Variants in DOCK5 observed in about 807,000 individuals in gnomAD.
DOCK5 encodes dedicator of cytokinesis protein 5.
A neutral mutation model predicts 251.8 loss-of-function variants in DOCK5; 142 were observed. The observed-to-expected ratio is 0.56, with a 90% confidence interval of 0.49 to 0.65. The LOEUF is 0.65. Ranked by LOEUF, DOCK5 falls within the 30% of genes least tolerant of loss-of-function variation. DOCK5 has a pLI of 0.00. For missense variants in DOCK5, 2,111 were observed against 2,312.3 expected (o/e 0.91, Z 1.79); for synonymous variants, 842 against 835.5 (o/e 1.01, Z -0.13).
chr8:25,404,557 T>C (rs994782272), intron 48 of DOCK5, among the ~76,000 whole-genome samples: 1 of 152,216 alleles, frequency 6.6e-6, no homozygotes. Flanking sequence ...ATATTTCACA[T>C]TTTGGAGCAT....
At chr8:25,286,046 G>A (rs1285602973) in intron 5 of DOCK5, among the ~76,000 whole-genome samples, 2 of 152,130 alleles carry the variant, frequency 1.3e-5, no homozygotes, top group African/African-American at 4.8e-5. Context: ...TCAGACCTTT[G>A]CTGGTCAGAC....
At position 25,213,108 on chromosome 8, in the gene DOCK5, T is replaced by G. The variant is rs960038132; in HGVS notation, c.43+28157T>G. The stretch of plus-strand genomic sequence containing the variant: ...CGGTAGAGTGGCAGGGCGTGTGTGT[T>G]GGAATGGAAGATGGAAAGTTAAACC... On this transcript the variant is annotated intron_variant, in intron 1 of 51. Transcript: ENST00000276440. Among the ~76,000 whole-genome samples the G allele has an allele frequency of 1.0e-3, 148 of 147,314 alleles. 39 individuals carry two copies. The highest frequency in any genetic ancestry group is 3.6e-3 in the African/African-American group (144 of 40,356).
intron 39 of DOCK5, among the ~76,000 whole-genome samples, chr8:25,380,633 CA>C (rs1801048474): frequency 6.6e-6 from 1 of 152,154 alleles, no homozygotes; most frequent in East Asian, 1.9e-4. Context: ...GTTGTCTCGA[CA>C]GTGTGGTGGA....
rs1393412352 is a variant in DOCK5 at position 25,400,011 on chromosome 8, C to T, written c.4788+17C>T. On this transcript the variant is annotated intron_variant, in intron 46 of 51. Transcript: ENST00000276440. ...GCATTACAGGTACAGGACGGCTTTC[C>T]TCTACACTCCCAGGGAGGCCACAGT... 2 of 1,607,956 alleles carry T rather than the reference C, an allele frequency of 1.2e-6. No homozygotes were observed. The highest frequency in any genetic ancestry group is 1.7e-5 in the Admixed American group (1 of 59,756).
chr8:25,198,624 A>T (rs1388472870), intron 1 of DOCK5, among the ~76,000 whole-genome samples: 2 of 152,104 alleles, frequency 1.3e-5, no homozygotes, highest in Non-Finnish European at 2.9e-5. Flanking sequence ...AAAATCTAAC[A>T]GTTTTGCCCT....
intron 1 of DOCK5, among the ~76,000 whole-genome samples, chr8:25,199,038 G>C (rs1252561515): frequency 6.6e-6 from 1 of 152,154 alleles, no homozygotes; most frequent in Non-Finnish European, 1.5e-5. Flanking sequence ...GACACTGTGG[G>C]TTGCACGGTT....
At chr8:25,325,655 A>AG in intron 18 of DOCK5, 108 bp downstream of exon 18, 1 of 1,334,536 alleles carries the variant, frequency 7.5e-7, no homozygotes, top group Non-Finnish European at 1.0e-6. Context: ...CTTATTAGGT[A>AG]GGATGTTGGC....
At chr8:25,390,858 G>A (rs1801245193) in intron 42 of DOCK5, among the ~76,000 whole-genome samples, 2 of 151,766 alleles carry the variant, frequency 1.3e-5, no homozygotes, top group Non-Finnish European at 1.5e-5. Context: ...CACCCAGGCT[G>A]GAGTACAGTG....
intron 14 of DOCK5, among the ~76,000 whole-genome samples, chr8:25,318,931 C>T (rs764166298): frequency 7.9e-5 from 12 of 152,146 alleles, no homozygotes; most frequent in African/African-American, 2.2e-4. Context: ...TAAGGCAAGT[C>T]GTATTCTGCA....
chr8:25,219,135 C>T (rs1333113019), intron 1 of DOCK5, among the ~76,000 whole-genome samples: 1 of 152,162 alleles, frequency 6.6e-6, no homozygotes, highest in Non-Finnish European at 1.5e-5. Context: ...GGCTACTTCC[C>T]CTCCCCTCTG....
At chr8:25,271,164 A>AT (rs5890213) in intron 3 of DOCK5, 144,410 of 207,772 alleles carry the variant, frequency 0.7, 53,498 homozygotes, top group Non-Finnish European at 0.81. Context: ...TAAATTCTGG[A>AT]TTTTTTTTAA....
intron 40 of DOCK5, among the ~76,000 whole-genome samples, chr8:25,383,378 A>G (rs956741777): frequency 2.0e-5 from 3 of 152,262 alleles, no homozygotes; most frequent in African/African-American, 7.2e-5. Flanking sequence ...TACATTCCTA[A>G]CAGTGCCTAA....
intron 5 of DOCK5, among the ~76,000 whole-genome samples, chr8:25,284,859 G>A (rs988017965): frequency 6.6e-6 from 1 of 152,206 alleles, no homozygotes; most frequent in Admixed American, 6.5e-5. Context: ...CAGTGTATTC[G>A]TGGACACAGT....
At chr8:25,194,293 C>CA (rs1801663038) in intron 1 of DOCK5, among the ~76,000 whole-genome samples, 1 of 152,118 alleles carries the variant, frequency 6.6e-6, no homozygotes, top group South Asian at 2.1e-4. Context: ...GACTCTGTCT[C>CA]AAAAAAATAA....
chr8:25,391,948 A>T lies in DOCK5; in HGVS notation c.4408A>T (p.Lys1470Ter). The T allele has an allele frequency of 6.2e-7, 1 of 1,613,870 alleles. No individual in the cohort carries two copies. The highest frequency in any genetic ancestry group is 1.1e-5 in the South Asian group (1 of 91,036). Residue 1470 changes from lysine (K) to a stop codon, truncating the protein, a stop_gained, in exon 43 of 52, where the codon AAA (lysine) becomes TAA (stop). Coordinates refer to ENST00000276440, the MANE Select transcript of DOCK5 (RefSeq NM_024940.8). LOFTEE classifies it high-confidence loss of function. ...QQFRYSRPFRKGEKDPDNEFA... is the reference protein window; with the variant it reads ...QQFRYSRPFR ...GTTCAGATACTCCCGGCCGTTCCGG[A>T]AAGGAGAAAAGGATCCAGACAATGA...
chr8:25,407,243 A>G (rs1467154699), intron 48 of DOCK5, among the ~76,000 whole-genome samples: 1 of 152,106 alleles, frequency 6.6e-6, no homozygotes, highest in Admixed American at 6.5e-5. Context: ...GATTACTTCT[A>G]GAATCTAGAT....
chr8:25,377,460 G>C, intron 38 of DOCK5, 36 bp downstream of exon 38: 1 of 1,603,072 alleles, frequency 6.2e-7, no homozygotes, highest in African/African-American at 1.3e-5. Context: ...AGGGGAAAGA[G>C]GAAAATGACC....
chr8:25,184,750 G>GGCGCGGGCA lies in DOCK5; in HGVS notation c.-159_-158insGCGCGGGCA. The GGCGCGGGCA allele has an allele frequency of 1.9e-6, 1 of 529,078 alleles. No homozygotes were observed. The highest frequency in any genetic ancestry group is 2.7e-6 in the Non-Finnish European group (1 of 372,830). 32.8% of individuals were successfully genotyped at this position (529,078 alleles called of 1,614,324 possible). On this transcript the variant is annotated 5_prime_UTR_variant, in exon 1 of 52. Transcript: ENST00000276440. Reference sequence around the variant, plus strand: ...GGGCGGCGCGGGCACGGGCACGGGCGCGGGCGGCGCGGCGAGGAGGCGGCC... The same window carrying GGCGCGGGCA: ...GGGCGGCGCGGGCACGGGCACGGGCGGCGCGGGCACGGGCGGCGCGGCGAGGAGGCGGCC...
intron 2 of DOCK5, among the ~76,000 whole-genome samples, chr8:25,244,999 G>A (rs1042190388): frequency 3.3e-5 from 5 of 152,242 alleles, no homozygotes; most frequent in African/African-American, 1.2e-4. Flanking sequence ...TAGGGCAGTC[G>A]CCTTATCTTT....
Sources: gnomAD v4.1 joint callset for allele counts (sites outside exome capture counted in the v4.1 genomes callset) on GRCh38, gnomAD v4.1.1 for gene constraint, MANE v1.5 for transcripts, NCBI Gene and HGNC (gene_info 2026-07-23, HGNC 2026-07-21) for gene names.